PCDH9: variants seen among roughly 807,000 people sequenced by gnomAD.
The protein encoded by PCDH9 is protocadherin-9.
A neutral mutation model predicts 70.6 loss-of-function variants in PCDH9; 24 were observed. The ratio of observed to expected loss-of-function variants is 0.34; its 90% CI spans 0.25 to 0.48. The LOEUF is 0.48. Among genes scored for constraint, PCDH9 ranks in the 20% least tolerant of loss-of-function variants. The pLI is 0.99. For missense variants in PCDH9, 1,281 were observed against 1,503.6 expected (o/e 0.85, Z 2.45); for synonymous variants, 562 against 558.5 (o/e 1.01, Z -0.09).
chr13:66,983,448 G>A (rs1489371223), intron 2 of PCDH9, among the ~76,000 whole-genome samples: 1 of 151,662 alleles, frequency 6.6e-6, no homozygotes, highest in Non-Finnish European at 1.5e-5. Flanking sequence ...AAGTGAGTGT[G>A]AAAAAAAATA....
At chr13:66,651,744 A>T (rs1022227610) in intron 3 of PCDH9, among the ~76,000 whole-genome samples, 2 of 152,070 alleles carry the variant, frequency 1.3e-5, no homozygotes. Flanking sequence ...CCTGATGAAC[A>T]TTGATGCAAA....
intron 3 of PCDH9, among the ~76,000 whole-genome samples, chr13:66,784,735 T>A (rs188626495): frequency 2.9e-4 from 44 of 152,304 alleles, no homozygotes; most frequent in African/African-American, 1.7e-4. Flanking sequence ...CAACATTTTA[T>A]ATTTGGTTGG....
intron 2 of PCDH9, among the ~76,000 whole-genome samples, chr13:67,190,541 A>G (rs1189890299): frequency 6.6e-6 from 1 of 152,030 alleles, no homozygotes; most frequent in East Asian, 1.9e-4. Flanking sequence ...TAAACTAGCA[A>G]ATTGAAGAAT....
At chr13:66,452,845 C>A (rs1958240873) in intron 4 of PCDH9, among the ~76,000 whole-genome samples, 1 of 152,018 alleles carries the variant, frequency 6.6e-6, no homozygotes, top group African/African-American at 2.4e-5. Context: ...CAAGACATTA[C>A]CCTGAGGATT....
At chr13:66,962,427 T>C (rs1421790910) in intron 2 of PCDH9, among the ~76,000 whole-genome samples, 2 of 152,034 alleles carry the variant, frequency 1.3e-5, no homozygotes, top group Non-Finnish European at 2.9e-5. Context: ...TGAGGGTGAT[T>C]AGAACTGAGA....
intron 3 of PCDH9, among the ~76,000 whole-genome samples, chr13:66,724,087 G>A (rs2078975091): frequency 6.6e-6 from 1 of 152,184 alleles, no homozygotes; most frequent in Non-Finnish European, 1.5e-5. Flanking sequence ...CAAGTTGAGT[G>A]CGACCAGGAA....
At chr13:67,108,004 AGCCAGCACCTGT>A (rs1370783066) in intron 2 of PCDH9, among the ~76,000 whole-genome samples, 2 of 152,168 alleles carry the variant, frequency 1.3e-5, no homozygotes, top group African/African-American at 2.4e-5. Context: ...CCTTGCACAG[AGCCAGCACCTGT>A]GCCAGCACCT....
intron 4 of PCDH9, among the ~76,000 whole-genome samples, chr13:66,406,745 A>G (rs1319238042): frequency 2.0e-5 from 3 of 152,226 alleles, no homozygotes; most frequent in African/African-American, 7.2e-5. Flanking sequence ...CAGCACCTAG[A>G]TGGTGCGAAA....
At chr13:67,150,646 T>C (rs1052866079) in intron 2 of PCDH9, among the ~76,000 whole-genome samples, 3 of 152,316 alleles carry the variant, frequency 2.0e-5, no homozygotes, top group African/African-American at 7.2e-5. Flanking sequence ...CCAATAATTA[T>C]ATCCAGAAGT....
In PCDH9 at chr13:67,225,066, A is replaced by G. The variant is rs935942496; in HGVS notation, c.3036+339T>C. On this transcript the variant is annotated intron_variant, in intron 2 of 4. Coordinates refer to ENST00000377865, the MANE Select transcript of PCDH9 (RefSeq NM_203487.3). ...TAAGGTGAAAGTCTTGAAGCAGTCA[A>G]TTTGGAAACCCCCAGGAGCAGAATT... 24 of 1,135,752 alleles carry G rather than the reference A, an allele frequency of 2.1e-5. No individual in the cohort carries two copies. In the African/African-American group the frequency reaches 3.8e-4, roughly 18 times the overall value. The allele number at this position is 1,135,752 out of a possible 1,614,324, so 70.4% of individuals were successfully genotyped here.
At chr13:66,486,092 G>A (rs1461991065) in intron 4 of PCDH9, among the ~76,000 whole-genome samples, 1 of 152,092 alleles carries the variant, frequency 6.6e-6, no homozygotes, top group African/African-American at 2.4e-5. Context: ...CATGATACAA[G>A]TCAAGTCTAG....
intron 2 of PCDH9, chr13:67,221,699 C>T (rs1457261834): frequency 6.6e-6 from 1 of 152,054 alleles, no homozygotes; most frequent in East Asian, 1.9e-4. Flanking sequence ...CCTCTTCCCA[C>T]CCCCAAAAAA....
In PCDH9 at chr13:66,686,689, A is replaced by G. The variant is rs185782550; in HGVS notation, c.3139-55278T>C. Among the ~76,000 whole-genome samples the G allele has an allele frequency of 6.6e-5, 10 of 152,240 alleles. No homozygotes were observed. In the East Asian group the frequency reaches 1.7e-3, roughly 26 times the overall value. ...ATTTTTTACTTCCTACCACTTTACC[A>G]CATTTGCTAATCAGTGTGTAGTTTG... On this transcript the variant is annotated intron_variant, in intron 3 of 4. Transcript: ENST00000377865.
chr13:66,349,396 G>A (rs1956260202), intron 4 of PCDH9, among the ~76,000 whole-genome samples: 2 of 152,182 alleles, frequency 1.3e-5, no homozygotes, highest in South Asian at 4.1e-4. Context: ...GAGACCCAAA[G>A]CAGAAATGAT....
intron 4 of PCDH9, among the ~76,000 whole-genome samples, chr13:66,457,925 A>G (rs1039394102): frequency 2.6e-5 from 4 of 152,008 alleles, no homozygotes; most frequent in African/African-American, 9.7e-5. Flanking sequence ...CGTTTCATTC[A>G]TCCTGCTCTC....
chr13:66,775,987 A>G (rs111875540), intron 3 of PCDH9, among the ~76,000 whole-genome samples: 112 of 152,308 alleles, frequency 7.4e-4, no homozygotes, highest in African/African-American at 2.6e-3. Flanking sequence ...TGGAGGCCCC[A>G]TGCAACTGCT....
In PCDH9 at chr13:66,642,551, A is replaced by T. The variant is rs897839606; in HGVS notation, c.3139-11140T>A. Among the ~76,000 whole-genome samples the T allele has an allele frequency of 2.5e-4, 38 of 152,152 alleles. 1 individual carries two copies. The highest frequency in any genetic ancestry group is 8.7e-4 in the African/African-American group (36 of 41,542). On this transcript the variant is annotated intron_variant, in intron 3 of 4. Coordinates refer to ENST00000377865, the MANE Select transcript of PCDH9 (RefSeq NM_203487.3). ...TGGCAGTAACACCACTAGATTTTTT[A>T]AAGTTTTCAAATTTATGGTTTTGAA...
At chr13:66,620,318 G>C (rs970446037) in intron 4 of PCDH9, among the ~76,000 whole-genome samples, 1 of 152,160 alleles carries the variant, frequency 6.6e-6, no homozygotes, top group Non-Finnish European at 1.5e-5. Flanking sequence ...AATATTTTCA[G>C]ATATTAGTAG....
At chr13:66,908,180 C>T (rs1487502616) in intron 2 of PCDH9, among the ~76,000 whole-genome samples, 1 of 152,178 alleles carries the variant, frequency 6.6e-6, no homozygotes, top group Non-Finnish European at 1.5e-5. Flanking sequence ...AATGGCCCTG[C>T]TACCATCACC....
Sources: allele counts gnomAD v4.1 joint callset (sites outside exome capture counted in the v4.1 genomes callset), GRCh38; gene constraint gnomAD v4.1.1; transcripts MANE v1.5; gene names NCBI Gene and HGNC (gene_info 2026-07-23, HGNC 2026-07-21).